Variants in SNX13 observed in about 807,000 individuals in gnomAD.
SNX13 encodes sorting nexin 13, also known as sorting nexin-13.
SNX13 carries 45 observed loss-of-function variants against 133.6 expected under a neutral mutation model. That is an observed-to-expected ratio of 0.34 (90% CI 0.27 to 0.43). The LOEUF is 0.43. Among genes scored for constraint, SNX13 ranks in the 20% least tolerant of loss-of-function variants. The probability of loss-of-function intolerance (pLI) is 1.00; values close to 1 mark genes in which losing one functional copy is unlikely to be tolerated. For missense variants in SNX13, 1,032 were observed against 1,145.1 expected, an observed-to-expected ratio of 0.90 and a Z score of 1.43; for synonymous variants, 414 against 373.9, an observed-to-expected ratio of 1.11 and a Z score of -1.24.
At chr7:17,851,363 G>T (rs1217453226) in intron 9 of SNX13, among the ~76,000 whole-genome samples, 2 of 152,174 alleles carry the variant, frequency 1.3e-5, no homozygotes. Context: ...TTAAACAGAA[G>T]AGTAACACTC....
chr7:17,819,172 A>G (rs1159365866), intron 18 of SNX13, among the ~76,000 whole-genome samples: 1 of 152,214 alleles, frequency 6.6e-6, no homozygotes, highest in Non-Finnish European at 1.5e-5. Flanking sequence ...TCCATAAAAT[A>G]TCAAATAAGA....
chr7:17,920,518 C>A (rs892496229), intron 1 of SNX13, among the ~76,000 whole-genome samples: 2 of 152,098 alleles, frequency 1.3e-5, no homozygotes. Context: ...ACTCTGTGGG[C>A]GGTGATGTCT....
chr7:17,794,056 G>T lies in SNX13; in HGVS notation c.2863C>A (p.Gln955Lys), dbSNP rs1386751523. Residue 955 changes from glutamine to lysine, a missense_variant, in exon 26 of 26, where the codon CAG (glutamine) becomes AAG (lysine). Gln to Lys is a moderately conservative substitution (Grantham distance 53). Coordinates refer to ENST00000428135, the MANE Select transcript of SNX13 (RefSeq NM_015132.5). ...CATAGAGTGGAGTGTCACCTTTTCTGCAAAGAAGGCGCTTGAGTAGTTTGA... is the reference window on the plus strand; with the variant it reads ...CATAGAGTGGAGTGTCACCTTTTCTTCAAAGAAGGCGCTTGAGTAGTTTGA... ...KLQTTQAPSL[Q>K]KR is the part of the protein sequence containing the mutation. 1 of 1,610,988 alleles carries T rather than the reference G, an allele frequency of 6.2e-7. No individual in the cohort carries two copies. Among genetic ancestry groups the T allele is most frequent in the South Asian group, 1.1e-5 (1 of 90,936 alleles).
intron 1 of SNX13, among the ~76,000 whole-genome samples, chr7:17,926,628 G>A (rs1800779245): frequency 6.6e-6 from 1 of 152,292 alleles, no homozygotes; most frequent in South Asian, 2.1e-4. Context: ...GCTCACACCT[G>A]TAAATCCATC....
rs5882636 is a variant in SNX13 at position 17,937,513 on chromosome 7, C to CA, written c.12+2770dup. ...TGGGCAACAGGGCAAGACTCCGTCT[C>CA]AAAAAAAAAAAAAAAAAAAAAGATA... On this transcript the variant is annotated intron_variant, in intron 1 of 25. Coordinates refer to ENST00000428135, the MANE Select transcript of SNX13 (RefSeq NM_015132.5). Among the ~76,000 whole-genome samples, 150 of 79,724 alleles carry CA rather than the reference C, an allele frequency of 1.9e-3. 1 individual carries two copies. Among genetic ancestry groups the CA allele is most frequent in the African/African-American group, 2.3e-3 (51 of 21,922 alleles). 52.3% of individuals were successfully genotyped at this position (79,724 alleles called of 152,430 possible).
At chr7:17,937,826 G>T (rs1802289192) in intron 1 of SNX13, among the ~76,000 whole-genome samples, 1 of 152,086 alleles carries the variant, frequency 6.6e-6, no homozygotes, top group Non-Finnish European at 1.5e-5. Flanking sequence ...TTGGTTAATG[G>T]GGATATCACC....
intron 20 of SNX13, among the ~76,000 whole-genome samples, chr7:17,810,508 G>C (rs928953595): frequency 3.3e-5 from 5 of 152,140 alleles, no homozygotes; most frequent in African/African-American, 1.2e-4. Flanking sequence ...CCCAGGACCA[G>C]ATGGCTTCAC....
intron 1 of SNX13, 126 bp from the exon 2 acceptor site, chr7:17,897,572 AC>A: frequency 3.8e-6 from 2 of 523,990 alleles, no homozygotes; most frequent in Non-Finnish European, 6.5e-6. Flanking sequence ...TATTTCAGTA[AC>A]TTTTGAAAAT....
rs538788260 is a variant in SNX13, at chr7:17,903,567, G to A, written c.13-6121C>T. On this transcript the variant is annotated intron_variant, in intron 1 of 25. Transcript: ENST00000428135. Reference sequence around the variant, plus strand: ...CACCTATGTCATGTGGTTACTGTGGGGAGTAAATGAGTTCACAGTCCAAGG... The same window carrying A: ...CACCTATGTCATGTGGTTACTGTGGAGAGTAAATGAGTTCACAGTCCAAGG... 1.7e-3 allele frequency among the ~76,000 whole-genome samples: 264 copies of A among 152,152 alleles called. 1 individual carries two copies. Among genetic ancestry groups the A allele is most frequent in the Non-Finnish European group, 2.0e-3 (135 of 68,004 alleles).
chr7:17,832,333 G>A, intron 15 of SNX13: 1 of 984,468 alleles, frequency 1.0e-6, no homozygotes, highest in Non-Finnish European at 1.2e-6. Context: ...TTAAAGGACT[G>A]GAAGCATTCT....
intron 2 of SNX13, among the ~76,000 whole-genome samples, chr7:17,893,970 GAA>G (rs11298863): frequency 1.5e-4 from 19 of 126,964 alleles, no homozygotes; most frequent in East Asian, 1.4e-3. Context: ...AGACTGTCTC[GAA>G]AAAAAAAAAA....
intron 1 of SNX13, among the ~76,000 whole-genome samples, chr7:17,912,986 C>T (rs1799157952): frequency 6.6e-6 from 1 of 152,170 alleles, no homozygotes; most frequent in African/African-American, 2.4e-5. Context: ...CAGCCAGGGA[C>T]AGCTCTGCAA....
chr7:17,791,059 G>T lies in SNX13; in HGVS notation c.*2986C>A, dbSNP rs1156528479. The stretch of plus-strand genomic sequence containing the variant: ...ACTACTAATAAAAGAATTTTCCAAG[G>T]AGTGACAAAAAGACTTTTAAAACAA... On this transcript the variant is annotated 3_prime_UTR_variant, in exon 26 of 26. Coordinates refer to ENST00000428135, the MANE Select transcript of SNX13 (RefSeq NM_015132.5). 6.6e-6 allele frequency: 1 copy of T among 151,980 alleles called. No individual in the cohort carries two copies. The highest frequency in any genetic ancestry group is 2.4e-5 in the African/African-American group (1 of 41,426). 9.4% of individuals were successfully genotyped at this position (151,980 alleles called of 1,614,324 possible).
intron 1 of SNX13, among the ~76,000 whole-genome samples, chr7:17,909,904 A>C (rs758268822): frequency 2.8e-4 from 42 of 152,238 alleles, no homozygotes; most frequent in Non-Finnish European, 4.7e-4. Context: ...ATAGTATTTA[A>C]CCTATCTTAA....
At chr7:17,896,118 T>A (rs1797178017) in intron 2 of SNX13, among the ~76,000 whole-genome samples, 1 of 152,182 alleles carries the variant, frequency 6.6e-6, no homozygotes. Flanking sequence ...GAAGTATAAT[T>A]AGGAAACCCA....
At chr7:17,835,952 T>C (rs1392292604) in intron 13 of SNX13, among the ~76,000 whole-genome samples, 1 of 151,962 alleles carries the variant, frequency 6.6e-6, no homozygotes, top group African/African-American at 2.4e-5. Flanking sequence ...GCTTCAAGTA[T>C]TTAACAAACA....
intron 1 of SNX13, among the ~76,000 whole-genome samples, chr7:17,926,885 C>CA (rs1800811430): frequency 6.6e-6 from 1 of 151,706 alleles, no homozygotes; most frequent in African/African-American, 2.4e-5. Flanking sequence ...GACCCTGTCT[C>CA]ATAAAAGAAA....
intron 9 of SNX13, among the ~76,000 whole-genome samples, chr7:17,861,067 G>C (rs1792614965): frequency 6.6e-6 from 1 of 151,992 alleles, no homozygotes; most frequent in South Asian, 2.1e-4. Flanking sequence ...CTAGGCTGGA[G>C]TACAATGGCA....
chr7:17,897,273 T>C (rs1438913160), intron 2 of SNX13, 61 bp downstream of exon 2: 1 of 894,584 alleles, frequency 1.1e-6, no homozygotes, highest in Non-Finnish European at 1.6e-6. Flanking sequence ...TCTCAGTCAT[T>C]TGTTTCCATT....
Sources: gnomAD v4.1 joint callset for allele counts (sites outside exome capture counted in the v4.1 genomes callset) on GRCh38, gnomAD v4.1.1 for gene constraint, MANE v1.5 for transcripts, NCBI Gene and HGNC (gene_info 2026-07-23, HGNC 2026-07-21) for gene names.